The following TRERF1 variants were observed in gnomAD, a reference collection of about 807,000 sequenced individuals.
The protein encoded by TRERF1 is transcriptional-regulating factor 1.
A neutral mutation model predicts 122.9 loss-of-function variants in TRERF1; 27 were observed. The observed-to-expected ratio is 0.22, with a 90% CI of 0.16 to 0.30. The LOEUF is 0.30. TRERF1 is among the 10% of genes least tolerant of loss of function. TRERF1 has a pLI of 1.00. For missense variants in TRERF1, 1,248 were observed against 1,560.3 expected (o/e 0.80, Z 3.37); for synonymous variants, 636 against 641.7 (o/e 0.99, Z 0.13).
rs1051627472 is a variant in TRERF1 at position 42,392,431 on chromosome 6, C to T, written c.-453-29352G>A. On this transcript the variant is annotated intron_variant, in intron 2 of 17. Transcript: ENST00000372922. Reference sequence around the variant, plus strand: ...TGGGACACAGCAAACCAACGATAAACGTTAGCTATTACTTGTTAGCCATTA... The same window carrying T: ...TGGGACACAGCAAACCAACGATAAATGTTAGCTATTACTTGTTAGCCATTA... 4.6e-5 allele frequency among the ~76,000 whole-genome samples: 7 copies of T among 152,178 alleles called. No individual in the cohort carries two copies. In the South Asian group the frequency reaches 6.2e-4, roughly 14 times the overall value.
intron 3 of TRERF1, among the ~76,000 whole-genome samples, chr6:42,350,962 T>TTC (rs1293263488): frequency 1.1e-3 from 160 of 151,264 alleles, no homozygotes; most frequent in African/African-American, 3.5e-3. Flanking sequence ...AAAGAGGCAA[T>TTC]TCTCTCTCTC....
At chr6:42,449,034 C>A (rs982329136) in intron 2 of TRERF1, among the ~76,000 whole-genome samples, 2 of 152,230 alleles carry the variant, frequency 1.3e-5, no homozygotes, top group Non-Finnish European at 2.9e-5. Context: ...ACTTTAAGTT[C>A]CTAACTCAAC....
intron 4 of TRERF1, among the ~76,000 whole-genome samples, chr6:42,286,116 C>T (rs1032427332): frequency 6.7e-6 from 1 of 149,588 alleles, no homozygotes; most frequent in African/African-American, 2.5e-5. Flanking sequence ...GGATCCCTTC[C>T]TTACACCTTA....
Position 42,397,434 on chromosome 6 carries a change from T to C in TRERF1, c.-453-34355A>G, listed in dbSNP as rs1015916423. Among the ~76,000 whole-genome samples the C allele has an allele frequency of 2.0e-5, 3 of 152,194 alleles. No homozygotes were observed. The East Asian group carries it at 5.8e-4, about 29-fold the overall frequency. On this transcript the variant is annotated intron_variant, in intron 2 of 17. Transcript: ENST00000372922. ...GATTAAGATATTATTCAATATTGAA[T>C]TACTGATTAAGATTCAAACACTCAC...
intron 4 of TRERF1, among the ~76,000 whole-genome samples, chr6:42,293,211 G>T (rs1204210404): frequency 6.6e-6 from 1 of 152,208 alleles, no homozygotes; most frequent in African/African-American, 2.4e-5. Context: ...AACCCTGACA[G>T]TTTGTGGGGG....
intron 3 of TRERF1, among the ~76,000 whole-genome samples, chr6:42,345,241 A>C (rs942995151): frequency 1.3e-5 from 2 of 152,354 alleles, no homozygotes; most frequent in East Asian, 1.9e-4. Flanking sequence ...TTCTTTCTAA[A>C]TGTTTTACAA....
At chr6:42,302,380 ATTC>A (rs1414153494) in intron 3 of TRERF1, among the ~76,000 whole-genome samples, 3 of 152,216 alleles carry the variant, frequency 2.0e-5, no homozygotes, top group Non-Finnish European at 4.4e-5. Context: ...GAAAGTGCTC[ATTC>A]TTCTAAATTC....
chr6:42,442,719 T>C (rs920795560), intron 2 of TRERF1, among the ~76,000 whole-genome samples: 1 of 152,166 alleles, frequency 6.6e-6, no homozygotes, highest in African/African-American at 2.4e-5. Context: ...CTCATTGGAG[T>C]TGTAAGCCCA....
chr6:42,328,981 G>A lies in TRERF1; in HGVS notation c.-370-28232C>T, dbSNP rs1434286452. On this transcript the variant is annotated intron_variant, in intron 3 of 17. Coordinates refer to ENST00000372922, the Ensembl canonical transcript of TRERF1. ...GGAAAGAGGCGAATCTATATAGCAA[G>A]CACTGGGAGAAACACACATTGGAAG... 3.3e-5 allele frequency among the ~76,000 whole-genome samples: 5 copies of A among 152,088 alleles called. No individual in the cohort carries two copies. In the East Asian group the frequency reaches 9.7e-4, roughly 30 times the overall value.
chr6:42,297,323 T>C (rs1785282507), intron 4 of TRERF1, among the ~76,000 whole-genome samples: 1 of 152,166 alleles, frequency 6.6e-6, no homozygotes, highest in Admixed American at 6.5e-5. Flanking sequence ...ATAGTACAAA[T>C]GAAAAGACCA....
intron 3 of TRERF1, among the ~76,000 whole-genome samples, chr6:42,325,975 G>A (rs1764213573): frequency 6.6e-6 from 1 of 152,180 alleles, no homozygotes; most frequent in Non-Finnish European, 1.5e-5. Flanking sequence ...ATGAGTGGGA[G>A]CTAAACACGG....
intron 2 of TRERF1, among the ~76,000 whole-genome samples, chr6:42,386,801 G>A (rs1312852659): frequency 6.6e-6 from 1 of 152,226 alleles, no homozygotes; most frequent in African/African-American, 2.4e-5. Flanking sequence ...CCAGTGCTGA[G>A]ACACTGCTCT....
chr6:42,363,881 T>C (rs1366223102), intron 2 of TRERF1, among the ~76,000 whole-genome samples: 1 of 152,124 alleles, frequency 6.6e-6, no homozygotes, highest in Non-Finnish European at 1.5e-5. Flanking sequence ...ACTTGCAGCC[T>C]CCAGAGCTGT....
intron 3 of TRERF1, among the ~76,000 whole-genome samples, chr6:42,329,124 A>G (rs1231288863): frequency 1.3e-5 from 2 of 152,004 alleles, no homozygotes; most frequent in African/African-American, 4.8e-5. Flanking sequence ...TGGTTTGGAT[A>G]AAGCATTGAA....
rs1778068118 is a variant in TRERF1 at position 42,393,330 on chromosome 6, C to T, written c.-453-30251G>A. 6.6e-6 allele frequency among the ~76,000 whole-genome samples: 1 copy of T among 152,202 alleles called. No individual in the cohort carries two copies. The highest frequency in any genetic ancestry group is 2.1e-4 in the South Asian group (1 of 4,828). ...CCACAAATTTTTCACTGTCATTCTG[C>T]AAGTGAGTGACATTGTCAGGGCTTG... On this transcript the variant is annotated intron_variant, in intron 2 of 17. Coordinates refer to ENST00000372922, the Ensembl canonical transcript of TRERF1. The surrounding 1 kb of genome is among the most constrained non-coding windows in gnomAD (Gnocchi z 4.1).
At chr6:42,387,190 G>A (rs188637717) in intron 2 of TRERF1, among the ~76,000 whole-genome samples, 1 of 152,298 alleles carries the variant, frequency 6.6e-6, no homozygotes, top group Admixed American at 6.5e-5. Flanking sequence ...GGGCCACTGG[G>A]GGTAAACCCA....
intron 3 of TRERF1, among the ~76,000 whole-genome samples, chr6:42,351,031 T>A (rs1029609349): frequency 1.3e-5 from 2 of 152,084 alleles, no homozygotes; most frequent in Non-Finnish European, 2.9e-5. Context: ...AGATTACTGA[T>A]GGCCTCATGA....
chr6:42,348,190 C>T (rs1179673429), intron 3 of TRERF1, among the ~76,000 whole-genome samples: 3 of 151,798 alleles, frequency 2.0e-5, no homozygotes, highest in South Asian at 2.1e-4. Context: ...TATAAACATA[C>T]ACACACACAC....
intron 15 of TRERF1, among the ~76,000 whole-genome samples, chr6:42,240,194 G>A (rs938384573): frequency 1.3e-5 from 2 of 152,222 alleles, no homozygotes; most frequent in Non-Finnish European, 2.9e-5. Flanking sequence ...CAGAAGGAAT[G>A]TTTATGAATC....
Sources: gnomAD v4.1 joint callset for allele counts (sites outside exome capture counted in the v4.1 genomes callset) on GRCh38, gnomAD v4.1.1 for gene constraint, Gnocchi (gnomAD v3.1) non-coding constraint, MANE v1.5 for transcripts, NCBI Gene and HGNC (gene_info 2026-07-23, HGNC 2026-07-21) for gene names.